The following FRK variants were observed in gnomAD, a reference collection of about 807,000 sequenced individuals.
The protein encoded by FRK is tyrosine-protein kinase FRK.
Under a neutral mutation model 56.4 loss-of-function variants are expected in FRK, and 51 were observed. That is an observed-to-expected ratio of 0.90 (90% confidence interval 0.72 to 1.14). FRK has a LOEUF of 1.14. Among genes scored for constraint, FRK ranks in the 50% most tolerant of loss-of-function variants. The pLI, the probability that FRK is intolerant of heterozygous loss-of-function variation, is 0.00. For synonymous variants in FRK, 245 were observed against 217.9 expected, an observed-to-expected ratio of 1.12 and a Z score of -1.10; for missense variants, 570 against 601.4, an observed-to-expected ratio of 0.95 and a Z score of 0.55.
the FRK span, among the ~76,000 whole-genome samples, chr6:116,087,527 C>G: frequency 6.6e-6 from 1 of 152,158 alleles, no homozygotes; most frequent in South Asian, 2.1e-4. Flanking sequence ...AGTCATGACA[C>G]GAACACGTTT....
intron 1 of FRK, among the ~76,000 whole-genome samples, chr6:116,041,111 T>C (rs1464686705): frequency 2.6e-5 from 4 of 152,220 alleles, no homozygotes; most frequent in Non-Finnish European, 1.5e-5. Flanking sequence ...TCCATTTTCC[T>C]CAACTATCGC....
chr6:116,061,442 C>T (rs1777622475), upstream of FRK, among the ~76,000 whole-genome samples: 1 of 150,116 alleles, frequency 6.7e-6, no homozygotes, highest in Admixed American at 6.6e-5. Context: ...ACGCTACACA[C>T]CAACTAGGTG....
At chr6:116,051,141 A>T (rs966927104) in intron 1 of FRK, among the ~76,000 whole-genome samples, 3 of 152,166 alleles carry the variant, frequency 2.0e-5, no homozygotes, top group African/African-American at 7.2e-5. Context: ...GTTAACAGGA[A>T]TATTTACTAA....
At chr6:116,025,503 T>C (rs1776054055) in intron 1 of FRK, among the ~76,000 whole-genome samples, 1 of 152,170 alleles carries the variant, frequency 6.6e-6, no homozygotes, top group African/African-American at 2.4e-5. Flanking sequence ...TAAAAGGAAA[T>C]TCCTGCCACT....
At chr6:116,099,740 C>T in the FRK span, among the ~76,000 whole-genome samples, 5 of 152,212 alleles carry the variant, frequency 3.3e-5, no homozygotes, top group Non-Finnish European at 7.3e-5. Context: ...CTATTAGCCT[C>T]AGAAGGATTA....
intron 2 of FRK, among the ~76,000 whole-genome samples, chr6:115,973,364 C>T (rs1438404700): frequency 6.6e-6 from 1 of 152,152 alleles, no homozygotes; most frequent in East Asian, 1.9e-4. Context: ...ACAATGAGAA[C>T]ACATGGACAC....
intron 3 of FRK, 35 bp downstream of exon 3, chr6:115,968,541 T>G (rs1773675010): frequency 6.3e-7 from 1 of 1,586,002 alleles, no homozygotes; most frequent in African/African-American, 1.4e-5. Context: ...AAAAGTTAAC[T>G]TCAATAAAAA....
intron 2 of FRK, among the ~76,000 whole-genome samples, chr6:115,975,015 G>A (rs147584007): frequency 2.7e-4 from 41 of 152,216 alleles, no homozygotes; most frequent in Non-Finnish European, 5.6e-4. Context: ...ATGAATGAAT[G>A]ATATCACTAA....
chr6:115,995,195 C>T (rs1195610484), intron 2 of FRK, among the ~76,000 whole-genome samples: 1 of 152,130 alleles, frequency 6.6e-6, no homozygotes, highest in Admixed American at 6.6e-5. Context: ...TATAGAGCTA[C>T]TATGATTCTG....
At chr6:116,009,651 A>T (rs1775390248) in intron 1 of FRK, among the ~76,000 whole-genome samples, 1 of 152,244 alleles carries the variant, frequency 6.6e-6, no homozygotes, top group Non-Finnish European at 1.5e-5. Flanking sequence ...AACTCATGAT[A>T]TGAAAAGAAA....
chr6:115,981,814 C>T (rs1200117027), intron 2 of FRK, among the ~76,000 whole-genome samples: 1 of 151,914 alleles, frequency 6.6e-6, no homozygotes, highest in East Asian at 1.9e-4. Flanking sequence ...TTCATTTTTT[C>T]ACCTTGTTTC....
At position 115,934,749 on chromosome 6, in the gene FRK, G is replaced by A. The variant is rs1206869527; in HGVS notation, c.*7665C>T. The A allele has an allele frequency of 6.6e-6, 1 of 152,122 alleles. No individual in the cohort carries two copies. Among genetic ancestry groups the A allele is most frequent in the Non-Finnish European group, 1.5e-5 (1 of 67,996 alleles). 9.4% of individuals were successfully genotyped at this position (152,122 alleles called of 1,614,324 possible). A position where few individuals can be genotyped will look rare whatever the true frequency, so the allele number is the denominator to read the frequency against. Reference sequence around the variant, plus strand: ...AAAATATTCTGCTTTCTCATGGCTTGTTTCATTCCTATTGCTTTACACTGG... The same window carrying A: ...AAAATATTCTGCTTTCTCATGGCTTATTTCATTCCTATTGCTTTACACTGG... On this transcript the variant is annotated 3_prime_UTR_variant, in exon 8 of 8. Coordinates refer to ENST00000606080, the MANE Select transcript of FRK (RefSeq NM_002031.3).
chr6:115,960,013 A>T (rs1278562142), intron 4 of FRK, among the ~76,000 whole-genome samples: 1 of 152,190 alleles, frequency 6.6e-6, no homozygotes, highest in African/African-American at 2.4e-5. Context: ...GATCCAAACA[A>T]GTTAAGAAGT....
chr6:116,002,835 A>G, intron 2 of FRK: 1 of 396,108 alleles, frequency 2.5e-6, no homozygotes. Flanking sequence ...TCCAGCTCCA[A>G]CCCATCTGCC....
At chr6:115,955,846 A>T (rs1176739855) in intron 5 of FRK, among the ~76,000 whole-genome samples, 1 of 152,192 alleles carries the variant, frequency 6.6e-6, no homozygotes, top group Non-Finnish European at 1.5e-5. Context: ...TGTTTACTAA[A>T]TTATCCATTT....
At chr6:116,025,128 C>T (rs1776040168) in intron 1 of FRK, among the ~76,000 whole-genome samples, 1 of 151,998 alleles carries the variant, frequency 6.6e-6, no homozygotes, top group African/African-American at 2.4e-5. Context: ...AATTGCAGGC[C>T]CCATGAAAGG....
chr6:115,958,764 A>G (rs1174801473), intron 4 of FRK, among the ~76,000 whole-genome samples: 2 of 39,406 alleles, frequency 5.1e-5, no homozygotes, highest in African/African-American at 8.3e-5. Context: ...AGAAAGAAAG[A>G]AAGAGGGGGG....
At chr6:116,078,320 GAC>G in the FRK span, among the ~76,000 whole-genome samples, 21 of 152,128 alleles carry the variant, frequency 1.4e-4, no homozygotes, top group Non-Finnish European at 7.4e-5. Context: ...TAGGACTAAA[GAC>G]AATACAATAG....
At chr6:116,058,962 C>G (rs36102300) in intron 1 of FRK, among the ~76,000 whole-genome samples, 1 of 150,932 alleles carries the variant, frequency 6.6e-6, no homozygotes, top group Admixed American at 6.6e-5. Flanking sequence ...CATTCCCAGT[C>G]TAAGGTTTCA....
Sources: gnomAD v4.1 joint callset for allele counts (sites outside exome capture counted in the v4.1 genomes callset) on GRCh38, gnomAD v4.1.1 for gene constraint, MANE v1.5 for transcripts, NCBI Gene and HGNC (gene_info 2026-07-23, HGNC 2026-07-21) for gene names.